The following LRRC8C variants were observed in gnomAD, a reference collection of about 807,000 sequenced individuals.
LRRC8C encodes the protein volume-regulated anion channel subunit LRRC8C.
A neutral mutation model predicts 55.3 loss-of-function variants in LRRC8C; 20 were observed. That is an observed-to-expected ratio of 0.36 (90% confidence interval 0.25 to 0.53). The LOEUF (loss-of-function observed/expected upper bound fraction) is 0.53. Ranked by LOEUF, LRRC8C falls within the 20% of genes least tolerant of loss-of-function variation. The probability of loss-of-function intolerance (pLI) is 0.92; values close to 1 mark genes in which losing one functional copy is unlikely to be tolerated. For missense variants in LRRC8C, 659 were observed against 951.4 expected, an observed-to-expected ratio of 0.69 and a Z score of 4.04; for synonymous variants, 376 against 360.7, an observed-to-expected ratio of 1.04 and a Z score of -0.48.
intron 1 of LRRC8C, among the ~76,000 whole-genome samples, chr1:89,672,782 ATATTTATT>A (rs147921862): frequency 0.17 from 24,888 of 147,590 alleles, 2,135 homozygotes; most frequent in Middle Eastern, 0.27. Context: ...CGTTGACTGG[ATATTTATT>A]TATTTATTTA....
At chr1:89,652,063 A>G (rs1054554140) in intron 1 of LRRC8C, among the ~76,000 whole-genome samples, 3 of 152,226 alleles carry the variant, frequency 2.0e-5, no homozygotes, top group African/African-American at 4.8e-5. Context: ...GCAATGTAGT[A>G]TATTTTTAAA....
chr1:89,709,741 G>GTT (rs746711104), intron 2 of LRRC8C, among the ~76,000 whole-genome samples: 2,305 of 91,764 alleles, frequency 0.025, 70 homozygotes, highest in African/African-American at 0.079. Flanking sequence ...TTTGTGTGTG[G>GTT]TTTTTTTTTG....
chr1:89,633,356 G>A (rs2101167299), intron 1 of LRRC8C, 34 bp downstream of exon 1: 1 of 152,492 alleles, frequency 6.6e-6, no homozygotes, highest in East Asian at 1.9e-4. Context: ...GGATGGAGAG[G>A]GGCAGCCCGC....
At chr1:89,641,534 C>G (rs1159963192) in intron 1 of LRRC8C, among the ~76,000 whole-genome samples, 1 of 152,068 alleles carries the variant, frequency 6.6e-6, no homozygotes, top group Non-Finnish European at 1.5e-5. Flanking sequence ...CAAATAGGTT[C>G]TGTTGCTGAT....
intron 1 of LRRC8C, among the ~76,000 whole-genome samples, chr1:89,660,977 A>G (rs1023702961): frequency 6.6e-6 from 1 of 151,654 alleles, no homozygotes; most frequent in Non-Finnish European, 1.5e-5. Context: ...CAGGCTCTGG[A>G]CTCCTCTGGT....
chr1:89,713,660 C>G lies in LRRC8C; in HGVS notation c.1090C>G (p.Pro364Ala). Residue 364 changes from proline to alanine, a missense_variant, in exon 3 of 3, where the codon CCA becomes GCA. Physicochemically the swap from Pro to Ala is conservative, Grantham distance 27 (BLOSUM62 -1). This residue lies in a region of LRRC8C where 200 missense variants were observed against 360.5 expected (regional missense o/e 0.55). Transcript: ENST00000370454. This position sits in a 1 kb window ranked among gnomAD's most constrained non-coding sequence, Gnocchi z 5.2. The stretch of plus-strand genomic sequence containing the variant: ...TCAGGAGACTGGAATTGATGATATT[C>G]CAGATGTGAAAAATGACTTTGCTTT... ...VRQETGIDDI[P>A]DVKNDFAFML... 1 of 1,614,082 alleles carries G rather than the reference C, an allele frequency of 6.2e-7. No homozygotes were observed.
In LRRC8C at chr1:89,715,284, T is replaced by C. The variant is rs536846640; in HGVS notation, c.*302T>C. 2.0e-5 allele frequency: 4 copies of C among 196,308 alleles called. No homozygotes were observed. The highest frequency in any genetic ancestry group is 9.2e-5 in the African/African-American group (4 of 43,278). 12.2% of individuals were successfully genotyped at this position (196,308 alleles called of 1,614,324 possible). A position where few individuals can be genotyped will look rare whatever the true frequency, so the allele number is the denominator to read the frequency against. Reference sequence around the variant, plus strand: ...TTGTGGAAAGGAGGGAATTATAAGTTGCATGCTTTTTGGCATTTTTTAAAT... The same window carrying C: ...TTGTGGAAAGGAGGGAATTATAAGTCGCATGCTTTTTGGCATTTTTTAAAT... On this transcript the variant is annotated 3_prime_UTR_variant, in exon 3 of 3. Transcript: ENST00000370454.
At chr1:89,682,370 G>A (rs1276648342) in intron 1 of LRRC8C, among the ~76,000 whole-genome samples, 2 of 152,142 alleles carry the variant, frequency 1.3e-5, no homozygotes, top group East Asian at 3.8e-4. Flanking sequence ...CATGAGGTCT[G>A]TGAAGCAACT....
chr1:89,692,178 C>A (rs906225409), intron 2 of LRRC8C, among the ~76,000 whole-genome samples: 1 of 152,078 alleles, frequency 6.6e-6, no homozygotes, highest in African/African-American at 2.4e-5. Flanking sequence ...ATTCCCAAGG[C>A]GATGTTAAAA....
intron 1 of LRRC8C, among the ~76,000 whole-genome samples, chr1:89,635,918 C>G (rs115193092): frequency 0.015 from 2,262 of 152,284 alleles, 56 homozygotes; most frequent in African/African-American, 0.052. Context: ...AGTTTCAGAT[C>G]ACTCATAAAA....
At chr1:89,657,971 G>A (rs1557651300) in intron 1 of LRRC8C, among the ~76,000 whole-genome samples, 1 of 152,102 alleles carries the variant, frequency 6.6e-6, no homozygotes, top group African/African-American at 2.4e-5. Context: ...GTATGACTGT[G>A]TGTAACTTTA....
At position 89,713,986 on chromosome 1, in the gene LRRC8C, C is replaced by G; in HGVS notation, c.1416C>G (p.Leu472=). 6.2e-7 allele frequency: 1 copy of G among 1,613,340 alleles called. No homozygotes were observed. The highest frequency in any genetic ancestry group is 8.5e-7 in the Non-Finnish European group (1 of 1,180,018). The change falls in exon 3 of 3, where the codon CTC becomes CTG. Residue 472 remains leucine (L), a synonymous_variant. Coordinates refer to ENST00000370454, the MANE Select transcript of LRRC8C (RefSeq NM_032270.5). The surrounding 1 kb of genome is among the most constrained non-coding windows in gnomAD (Gnocchi z 5.2). The part of the protein sequence containing the change: ...TIAQLDNLQE[L]SLHQCSVKIH... ...CACAGCTAGACAATCTTCAAGAGCT[C>G]TCTCTGCACCAGTGTTCTGTCAAAA... is the stretch of plus-strand genomic sequence containing the variant.
At chr1:89,688,305 TCTA>T (rs1224810645) in intron 2 of LRRC8C, among the ~76,000 whole-genome samples, 2 of 152,242 alleles carry the variant, frequency 1.3e-5, no homozygotes, top group African/African-American at 4.8e-5. Flanking sequence ...CAGGCACTGT[TCTA>T]CTAAGAATTA....
At chr1:89,685,147 C>G (rs114158946) in intron 1 of LRRC8C, among the ~76,000 whole-genome samples, 1 of 123,134 alleles carries the variant, frequency 8.1e-6, no homozygotes. Flanking sequence ...CTCACTCTGT[C>G]GCCCAGCAGG....
chr1:89,685,727 G>A (rs981367248), intron 1 of LRRC8C, among the ~76,000 whole-genome samples: 2 of 152,056 alleles, frequency 1.3e-5, no homozygotes, highest in African/African-American at 4.8e-5. Flanking sequence ...TCTGTCATTT[G>A]GTTAAAGATA....
At chr1:89,627,794 C>T in the LRRC8C span, among the ~76,000 whole-genome samples, 1 of 152,114 alleles carries the variant, frequency 6.6e-6, no homozygotes, top group Non-Finnish European at 1.5e-5. Context: ...AATAATACTG[C>T]CTGTGTAATG....
intron 1 of LRRC8C, among the ~76,000 whole-genome samples, chr1:89,656,468 T>C (rs1187932672): frequency 6.6e-6 from 1 of 152,190 alleles, no homozygotes. Flanking sequence ...AGGTACTGAG[T>C]AAGCTCAAAG....
chr1:89,688,500 A>C (rs1344255323), intron 2 of LRRC8C, among the ~76,000 whole-genome samples: 1 of 152,232 alleles, frequency 6.6e-6, no homozygotes, highest in Non-Finnish European at 1.5e-5. Flanking sequence ...GCAATCTTCA[A>C]ATAGGATGGC....
chr1:89,690,882 C>T (rs1458390079), intron 2 of LRRC8C, among the ~76,000 whole-genome samples: 1 of 152,192 alleles, frequency 6.6e-6, no homozygotes, highest in African/African-American at 2.4e-5. Context: ...GCCCTTCACA[C>T]ATAGGCCTTT....
Sources: allele counts gnomAD v4.1 joint callset (sites outside exome capture counted in the v4.1 genomes callset), GRCh38; gene constraint gnomAD v4.1.1; regional missense constraint gnomAD v4.1.1; non-coding constraint Gnocchi (gnomAD v3.1); transcripts MANE v1.5; gene names NCBI Gene and HGNC (gene_info 2026-07-23, HGNC 2026-07-21).